Variants in INPP5B observed in about 807,000 individuals in gnomAD.
INPP5B encodes the protein inositol polyphosphate-5-phosphatase B, also known as type II inositol 1,4,5-trisphosphate 5-phosphatase.
INPP5B carries 90 observed loss-of-function variants against 118.5 expected under a neutral mutation model. The observed-to-expected ratio is 0.76, with a 90% CI of 0.64 to 0.90. The LOEUF is 0.90. Ranked by LOEUF, INPP5B falls within the 40% of genes least tolerant of loss-of-function variation. The pLI, the probability that INPP5B is intolerant of heterozygous loss-of-function variation, is 0.00. For synonymous variants in INPP5B, 385 were observed against 418.9 expected, an observed-to-expected ratio of 0.92 and a Z score of 0.99; for missense variants, 984 against 1,125.6, an observed-to-expected ratio of 0.87 and a Z score of 1.80.
intron 17 of INPP5B, among the ~76,000 whole-genome samples, chr1:37,875,237 G>C (rs1323754638): frequency 6.6e-6 from 1 of 152,086 alleles, no homozygotes. Flanking sequence ...AATAGATGAG[G>C]AGATTTAAGC....
Position 37,874,129 on chromosome 1 carries a change from C to A in INPP5B, c.1815G>T (p.Met605Ile). Reference sequence around the variant, plus strand: ...TTGTAAAGGATTCTACTTTCAATTGCATGTACTTCACATTCTGAAAACAGA... The same window carrying A: ...TTGTAAAGGATTCTACTTTCAATTGAATGTACTTCACATTCTGAAAACAGA... ...REFCFQNVKY[M>I]QLKVESFTIH... The change falls in exon 18 of 24, where the codon ATG becomes ATT. Residue 605 changes from methionine to isoleucine, a missense_variant. By Grantham distance (10) the Met-to-Ile change is conservative. Coordinates refer to ENST00000373024, the MANE Select transcript of INPP5B (RefSeq NM_005540.3). The A allele has an allele frequency of 6.3e-7, 1 of 1,584,800 alleles. No homozygotes were observed. The highest frequency in any genetic ancestry group is 8.6e-7 in the Non-Finnish European group (1 of 1,158,532).
intron 14 of INPP5B, among the ~76,000 whole-genome samples, chr1:37,881,811 T>C (rs1643214542): frequency 6.6e-6 from 1 of 152,002 alleles, no homozygotes; most frequent in Non-Finnish European, 1.5e-5. Flanking sequence ...GAAAAAAAGA[T>C]AATAGAGGCT....
intron 22 of INPP5B, 70 bp from the exon 23 acceptor site, chr1:37,864,493 A>G (rs1213048408): frequency 4.5e-6 from 4 of 898,412 alleles, no homozygotes; most frequent in Non-Finnish European, 5.4e-6. Context: ...CTATAGTCCA[A>G]GAACTGTATA....
At chr1:37,910,032 C>T (rs1217672238) in intron 7 of INPP5B, among the ~76,000 whole-genome samples, 2 of 152,160 alleles carry the variant, frequency 1.3e-5, no homozygotes, top group Non-Finnish European at 2.9e-5. Context: ...GACTGTCCAA[C>T]TCACCCAGCA....
At chr1:37,898,096 A>C (rs945665136) in intron 7 of INPP5B, among the ~76,000 whole-genome samples, 8 of 152,246 alleles carry the variant, frequency 5.3e-5, no homozygotes, top group Non-Finnish European at 1.0e-4. Context: ...AAGCAATTAG[A>C]AAAATTAGTT....
intron 7 of INPP5B, among the ~76,000 whole-genome samples, chr1:37,921,333 G>A (rs996883405): frequency 1.3e-5 from 2 of 152,186 alleles, no homozygotes; most frequent in Non-Finnish European, 2.9e-5. Context: ...ATAGTACACA[G>A]GGCAGGTAAC....
At chr1:37,875,743 T>C (rs536160124) in intron 16 of INPP5B, 27 bp from the exon 17 acceptor site, 1 of 1,553,324 alleles carries the variant, frequency 6.4e-7, no homozygotes, top group South Asian at 1.1e-5. Flanking sequence ...AGAGACTGAG[T>C]ACCTTGGCTT....
Position 37,889,691 on chromosome 1 carries a change from C to T in INPP5B, c.663G>A (p.Met221Ile). ...QNKSKSEITD[M>I]VRSSTITVSD... ...ACACTGTGATAGTGGAGGAGCGAAC[C>T]ATGTCAGTAATTTCGGACTTGGATT... is the stretch of plus-strand genomic sequence containing the variant. Residue 221 changes from methionine to isoleucine, a missense_variant, in exon 9 of 24, where the codon ATG (methionine) becomes ATA (isoleucine). By Grantham distance (10) the Met-to-Ile change is conservative. Coordinates refer to ENST00000373024, the MANE Select transcript of INPP5B (RefSeq NM_005540.3). The T allele has an allele frequency of 6.2e-7, 1 of 1,612,800 alleles. No homozygotes were observed.
chr1:37,873,220 GA>G, intron 18 of INPP5B, 55 bp from the exon 19 acceptor site: 9 of 1,276,968 alleles, frequency 7.0e-6, no homozygotes, highest in Non-Finnish European at 1.0e-5. Context: ...GAGGAAAGGG[GA>G]AAGAAGGCAG....
chr1:37,885,512 C>A (rs1025561092), intron 13 of INPP5B, 126 bp downstream of exon 13: 15 of 701,414 alleles, frequency 2.1e-5, no homozygotes, highest in Non-Finnish European at 3.6e-5. Context: ...CATGTATAAC[C>A]AAGAGGTGGG....
At chr1:37,919,720 C>T (rs1423923518) in intron 7 of INPP5B, among the ~76,000 whole-genome samples, 1 of 152,170 alleles carries the variant, frequency 6.6e-6, no homozygotes, top group Non-Finnish European at 1.5e-5. Context: ...GGGCAGATCA[C>T]CTGAGGTCAG....
At chr1:37,866,122 C>T (rs557305732) in intron 21 of INPP5B, among the ~76,000 whole-genome samples, 17 of 152,120 alleles carry the variant, frequency 1.1e-4, no homozygotes, top group South Asian at 6.2e-4. Context: ...GGCAACATGG[C>T]GAAACCCTGC....
intron 14 of INPP5B, among the ~76,000 whole-genome samples, chr1:37,881,457 G>A (rs899306571): frequency 1.3e-5 from 2 of 152,168 alleles, no homozygotes; most frequent in African/African-American, 4.8e-5. Flanking sequence ...GCACTACACG[G>A]ACTGGTGAAG....
Position 37,861,712 on chromosome 1 carries a change from A to G in INPP5B, c.*603T>C, listed in dbSNP as rs12729989. 0.27 allele frequency: 39,991 copies of G among 148,628 alleles called. 5,558 individuals are homozygous for G. Among genetic ancestry groups the G allele is most frequent in the Non-Finnish European group, 0.3 (19,989 of 67,706 alleles). The allele number at this position is 148,628 out of a possible 1,614,324, so 9.2% of individuals were successfully genotyped here. A position where few individuals can be genotyped will look rare whatever the true frequency, so the allele number is the denominator to read the frequency against. ...GCCAACGCACTCCAGCCTGGGCAAC[A>G]AGAGTGAAACTCCATCTCAAAAAAG... On this transcript the variant is annotated 3_prime_UTR_variant, in exon 24 of 24. Coordinates refer to ENST00000373024, the MANE Select transcript of INPP5B (RefSeq NM_005540.3).
intron 7 of INPP5B, among the ~76,000 whole-genome samples, chr1:37,924,393 T>A (rs917758844): frequency 9.9e-5 from 15 of 151,336 alleles, no homozygotes; most frequent in Non-Finnish European, 1.8e-4. Context: ...GATCTCAAAC[T>A]CCTGGCCTCA....
At chr1:37,943,507 G>T in intron 5 of INPP5B, 133 bp downstream of exon 5, 1 of 873,878 alleles carries the variant, frequency 1.1e-6, no homozygotes, top group Non-Finnish European at 1.8e-6. Context: ...GAGATGGGCT[G>T]TGCCAGATCC....
At chr1:37,895,908 A>C (rs1395661648) in intron 7 of INPP5B, among the ~76,000 whole-genome samples, 2 of 152,166 alleles carry the variant, frequency 1.3e-5, no homozygotes. Flanking sequence ...CAAAGTGCTG[A>C]GATTGCAGCC....
intron 6 of INPP5B, 136 bp downstream of exon 6, chr1:37,940,552 T>C (rs1007053306): frequency 1.8e-5 from 11 of 606,146 alleles, no homozygotes; most frequent in African/African-American, 1.5e-4. Flanking sequence ...CTGGGGGCAC[T>C]ATGGCTTTAC....
chr1:37,900,301 A>C (rs1462833582), intron 7 of INPP5B, among the ~76,000 whole-genome samples: 1 of 143,646 alleles, frequency 7.0e-6, no homozygotes, highest in African/African-American at 2.6e-5. Flanking sequence ...GTCACCCAGG[A>C]TGGAGTGCAA....
Sources: gnomAD v4.1 joint callset for allele counts (sites outside exome capture counted in the v4.1 genomes callset) on GRCh38, gnomAD v4.1.1 for gene constraint, MANE v1.5 for transcripts, NCBI Gene and HGNC (gene_info 2026-07-23, HGNC 2026-07-21) for gene names.